The following CRACD variants were observed in gnomAD, a reference collection of about 807,000 sequenced individuals.
The protein encoded by CRACD is capping protein-inhibiting regulator of actin dynamics.
In CRACD, 56 loss-of-function variants were observed where a neutral mutation model predicts 106.8. The ratio of observed to expected loss-of-function variants is 0.52; its 90% CI spans 0.42 to 0.66. The LOEUF (loss-of-function observed/expected upper bound fraction) is 0.66, where lower values mean the gene tolerates loss of function less well. Ranked by LOEUF, CRACD falls within the 30% of genes least tolerant of loss-of-function variation. The pLI, the probability that CRACD is intolerant of heterozygous loss-of-function variation, is 0.00. For synonymous variants in CRACD, 754 were observed against 670.8 expected (o/e 1.12, Z -1.92); for missense variants, 1,730 against 1,623.2 (o/e 1.07, Z -1.13).
chr4:56,078,805 G>A (rs1254860719), intron 1 of CRACD, among the ~76,000 whole-genome samples: 2 of 152,100 alleles, frequency 1.3e-5, no homozygotes, highest in African/African-American at 2.4e-5. Flanking sequence ...ATGCCTGGTG[G>A]GGGTTACCCT....
rs1183698874 is a variant in CRACD at position 56,330,517 on chromosome 4, AATAT to A, written c.*2715_*2718del. ...AATGAAAATACCTTAGTGTGATTTT[AATAT>A]AATTTGCATATTTTAGTTGTATAAA... On this transcript the variant is annotated 3_prime_UTR_variant, in exon 11 of 11. Transcript: ENST00000682029. Among the ~76,000 whole-genome samples the A allele has an allele frequency of 6.6e-6, 1 of 152,206 alleles. No homozygotes were observed. Among genetic ancestry groups the A allele is most frequent in the African/African-American group, 2.4e-5 (1 of 41,460 alleles).
intron 1 of CRACD, among the ~76,000 whole-genome samples, chr4:56,153,643 G>T (rs1735665277): frequency 6.6e-6 from 1 of 152,134 alleles, no homozygotes; most frequent in Non-Finnish European, 1.5e-5. Flanking sequence ...AAAATTCTCT[G>T]CAATGCCTTG....
Position 56,323,108 on chromosome 4 carries a change from G to A in CRACD, c.3188-269G>A, listed in dbSNP as rs1052131217. 2.6e-5 allele frequency among the ~76,000 whole-genome samples: 4 copies of A among 152,140 alleles called. No homozygotes were observed. The East Asian group carries it at 7.7e-4, about 29-fold the overall frequency. ...ATGCCCTGGAGGCCTGAGATGTTAT[G>A]ACCCTGGAGATTTATTTGAGTTTTT... On this transcript the variant is annotated intron_variant, in intron 8 of 10. Coordinates refer to ENST00000682029, the MANE Select transcript of CRACD (RefSeq NM_001393381.1).
At chr4:56,063,199 A>AT (rs777640514) in intron 1 of CRACD, among the ~76,000 whole-genome samples, 86 of 147,044 alleles carry the variant, frequency 5.8e-4, no homozygotes, top group South Asian at 1.3e-3. Context: ...TCAAATAATA[A>AT]TTTTTTTTTT....
Position 56,314,722 on chromosome 4 carries a change from A to G in CRACD, c.1220A>G (p.Glu407Gly), listed in dbSNP as rs1560535435. 1 of 1,568,930 alleles carries G rather than the reference A, an allele frequency of 6.4e-7. No homozygotes were observed. Among genetic ancestry groups the G allele is most frequent in the Non-Finnish European group, 8.6e-7 (1 of 1,157,240 alleles). ...EEEDLGEEEEEGQAHLEDWRG... is the reference protein window; with the variant it reads ...EEEDLGEEEEGGQAHLEDWRG... ...GAGGATCTGGGGGAAGAGGAGGAGG[A>G]GGGCCAGGCGCACCTGGAGGACTGG... The change falls in exon 8 of 11, where the codon GAG becomes GGG. Residue 407 changes from glutamate (E) to glycine (G), a missense_variant. This residue lies in a region of CRACD where 1,620 missense variants were observed against 1,481.6 expected (regional missense o/e 1.09). Coordinates refer to ENST00000682029, the MANE Select transcript of CRACD (RefSeq NM_001393381.1). The surrounding 1 kb of genome is among the most constrained non-coding windows in gnomAD (Gnocchi z 4.4).
intron 2 of CRACD, among the ~76,000 whole-genome samples, chr4:56,222,563 G>T (rs1200632975): frequency 1.3e-5 from 2 of 152,076 alleles, no homozygotes; most frequent in Non-Finnish European, 2.9e-5. Context: ...GACATATAAG[G>T]TAAATAAAAA....
intron 4 of CRACD, among the ~76,000 whole-genome samples, chr4:56,298,977 G>T (rs1744209521): frequency 6.6e-6 from 1 of 152,174 alleles, no homozygotes; most frequent in South Asian, 2.1e-4. Context: ...TTGGATGAGA[G>T]GAAGAGTTCC....
At chr4:56,062,438 CT>C (rs953218570) in intron 1 of CRACD, among the ~76,000 whole-genome samples, 1 of 152,122 alleles carries the variant, frequency 6.6e-6, no homozygotes, top group Non-Finnish European at 1.5e-5. Context: ...GGCCCTAAAC[CT>C]TTTTCCCTGG....
chr4:56,151,931 A>G (rs990953147), intron 1 of CRACD, among the ~76,000 whole-genome samples: 12 of 152,004 alleles, frequency 7.9e-5, no homozygotes, highest in Non-Finnish European at 1.6e-4. Flanking sequence ...ATTTTGAGTC[A>G]TCCCGTCACT....
At chr4:56,208,603 A>G (rs1169036673) in intron 2 of CRACD, among the ~76,000 whole-genome samples, 1 of 152,230 alleles carries the variant, frequency 6.6e-6, no homozygotes, top group Non-Finnish European at 1.5e-5. Context: ...ATTCACTAAA[A>G]TACACCTTAA....
At chr4:56,326,881 A>G (rs1746483064) in intron 10 of CRACD, among the ~76,000 whole-genome samples, 1 of 152,052 alleles carries the variant, frequency 6.6e-6, no homozygotes, top group Non-Finnish European at 1.5e-5. Context: ...CTGGGATTAC[A>G]GACACCTGCC....
intron 2 of CRACD, among the ~76,000 whole-genome samples, chr4:56,230,874 CAT>C (rs1292731782): frequency 6.6e-6 from 1 of 152,158 alleles, no homozygotes; most frequent in African/African-American, 2.4e-5. Context: ...GGTATTGTGA[CAT>C]AGAATTCAGT....
intron 1 of CRACD, among the ~76,000 whole-genome samples, chr4:56,160,752 T>C (rs1368688761): frequency 6.6e-6 from 1 of 152,232 alleles, no homozygotes; most frequent in Non-Finnish European, 1.5e-5. Context: ...AATGAAATGA[T>C]TTGACGTGCG....
intron 3 of CRACD, among the ~76,000 whole-genome samples, chr4:56,278,356 C>A (rs949772707): frequency 2.6e-5 from 4 of 152,246 alleles, no homozygotes; most frequent in African/African-American, 9.6e-5. Flanking sequence ...TAAACTCTTA[C>A]GTTTGTGGTC....
At chr4:56,116,179 G>T (rs1734269440) in intron 1 of CRACD, among the ~76,000 whole-genome samples, 1 of 150,806 alleles carries the variant, frequency 6.6e-6, no homozygotes, top group Non-Finnish European at 1.5e-5. Flanking sequence ...ATTTAATCCA[G>T]GTTTGTGAGT....
At chr4:56,122,178 C>T (rs1324171416) in intron 1 of CRACD, among the ~76,000 whole-genome samples, 2 of 148,972 alleles carry the variant, frequency 1.3e-5, no homozygotes, top group Non-Finnish European at 3.0e-5. Flanking sequence ...AGTGAGATTC[C>T]ATCTCTTTAA....
chr4:56,309,151 G>T, intron 5 of CRACD: 2 of 387,344 alleles, frequency 5.2e-6, no homozygotes, highest in Non-Finnish European at 1.0e-5. Context: ...TTTGGGTGAG[G>T]AGTGTAGCAG....
intron 3 of CRACD, among the ~76,000 whole-genome samples, chr4:56,275,679 G>GTT (rs1391929241): frequency 2.0e-5 from 3 of 152,114 alleles, no homozygotes; most frequent in African/African-American, 7.2e-5. Context: ...TTAACAGACT[G>GTT]TTACTTTACA....
chr4:56,301,261 G>GTGAT (rs1392685911), intron 4 of CRACD: 14 of 1,283,046 alleles, frequency 1.1e-5, no homozygotes, highest in Non-Finnish European at 1.4e-5. Context: ...AGTCGTAGAA[G>GTGAT]TGATAGTAAC....
Sources: gnomAD v4.1 joint callset for allele counts (sites outside exome capture counted in the v4.1 genomes callset) on GRCh38, gnomAD v4.1.1 for gene constraint, gnomAD v4.1.1 regional missense constraint, Gnocchi (gnomAD v3.1) non-coding constraint, MANE v1.5 for transcripts, NCBI Gene and HGNC (gene_info 2026-07-23, HGNC 2026-07-21) for gene names.